DENND4C: variants seen among roughly 807,000 people sequenced by gnomAD.
DENND4C encodes DENN domain containing 4C.
A neutral mutation model predicts 203.0 loss-of-function variants in DENND4C; 108 were observed. The ratio of observed to expected loss-of-function variants is 0.53; its 90% CI spans 0.46 to 0.62. The LOEUF is 0.62. Ranked by LOEUF, DENND4C falls within the 20% of genes least tolerant of loss-of-function variation. The pLI is 0.00. For synonymous variants in DENND4C, 871 were observed against 792.4 expected (o/e 1.10, Z -1.67); for missense variants, 2,481 against 2,301.2 (o/e 1.08, Z -1.60).
intron 1 of DENND4C, among the ~76,000 whole-genome samples, chr9:19,242,875 CG>C (rs1477729214): frequency 6.6e-6 from 1 of 152,018 alleles, no homozygotes; most frequent in Non-Finnish European, 1.5e-5. Context: ...AGGCTAGTCT[CG>C]ATCTCCTGAC....
At chr9:19,247,216 G>A (rs2131553479) in intron 1 of DENND4C, among the ~76,000 whole-genome samples, 1 of 152,186 alleles carries the variant, frequency 6.6e-6, no homozygotes, top group Non-Finnish European at 1.5e-5. Context: ...CTCACCTGAA[G>A]TTTGTTGTAT....
At chr9:19,309,478 A>G (rs911214560) in intron 10 of DENND4C, among the ~76,000 whole-genome samples, 1 of 152,164 alleles carries the variant, frequency 6.6e-6, no homozygotes, top group African/African-American at 2.4e-5. Context: ...TGAATATGAT[A>G]AAAACCATTG....
chr9:19,231,865 C>G (rs930035152), intron 1 of DENND4C, among the ~76,000 whole-genome samples: 2 of 151,734 alleles, frequency 1.3e-5, no homozygotes, highest in South Asian at 2.1e-4. Flanking sequence ...TTCCTAGGCC[C>G]TAATTTACGT....
At chr9:19,255,411 A>C (rs967372414) in intron 1 of DENND4C, among the ~76,000 whole-genome samples, 1 of 46,724 alleles carries the variant, frequency 2.1e-5, no homozygotes, top group Admixed American at 3.1e-4. Context: ...CCTCCAAAAA[A>C]AAAAATTTTT....
At chr9:19,363,987 C>T (rs1309168615) in intron 30 of DENND4C, among the ~76,000 whole-genome samples, 9 of 152,124 alleles carry the variant, frequency 5.9e-5, no homozygotes, top group African/African-American at 2.2e-4. Flanking sequence ...GCACTCCAGC[C>T]TGGGCATCGC....
Position 19,268,969 on chromosome 9 carries a change from C to G in DENND4C, c.-17-7189C>G, listed in dbSNP as rs1297647239. On this transcript the variant is annotated intron_variant, in intron 1 of 32. Coordinates refer to ENST00000434457, the MANE Select transcript of DENND4C (RefSeq NM_001330640.2). ...CCTTCTTGTACTTGAATATTGATATCTTTCTCTATGTTTGGGAAGTTCTCT... is the reference window on the plus strand; with the variant it reads ...CCTTCTTGTACTTGAATATTGATATGTTTCTCTATGTTTGGGAAGTTCTCT... Among the ~76,000 whole-genome samples, 34 of 152,052 alleles carry G rather than the reference C, an allele frequency of 2.2e-4. 1 individual carries two copies. Among genetic ancestry groups the G allele is most frequent in the Admixed American group, 2.2e-3 (34 of 15,242 alleles).
At chr9:19,298,228 T>G (rs1341603517) in intron 7 of DENND4C, 106 bp downstream of exon 7, 1 of 929,266 alleles carries the variant, frequency 1.1e-6, no homozygotes, top group Admixed American at 2.4e-5. Flanking sequence ...CAATATGCAT[T>G]CATAAAGTCC....
chr9:19,342,748 A>G lies in DENND4C; in HGVS notation c.3120A>G (p.Ile1040Met). Reference sequence around the variant, plus strand: ...GTATTGTGAAAGTTCCGTCTGGTATATTTGATGTCAACAGCAGGAAAAGTA... The same window carrying G: ...GTATTGTGAAAGTTCCGTCTGGTATGTTTGATGTCAACAGCAGGAAAAGTA... Reference protein sequence around the residue: ...GSSIVKVPSGIFDVNSRKSST... With the variant: ...GSSIVKVPSGMFDVNSRKSST... Residue 1040 changes from isoleucine to methionine, a missense_variant, in exon 22 of 33, where the codon ATA becomes ATG. Ile to Met is a conservative substitution (Grantham distance 10). This residue lies in a region of DENND4C where 2,289 missense variants were observed against 2,113.3 expected (regional missense o/e 1.08). Transcript: ENST00000434457. The G allele has an allele frequency of 6.2e-7, 1 of 1,609,222 alleles. No homozygotes were observed. Among genetic ancestry groups the G allele is most frequent in the Non-Finnish European group, 8.5e-7 (1 of 1,177,990 alleles).
chr9:19,303,964 C>G (rs1366760615), intron 9 of DENND4C, among the ~76,000 whole-genome samples: 1 of 150,858 alleles, frequency 6.6e-6, no homozygotes, highest in Non-Finnish European at 1.5e-5. Flanking sequence ...CCTCCTGCCT[C>G]AGCCTCCCAA....
At position 19,369,978 on chromosome 9, in the gene DENND4C, A is replaced by G. The variant is rs1309577981; in HGVS notation, c.5666A>G (p.Lys1889Arg). 1.9e-6 allele frequency: 3 copies of G among 1,613,490 alleles called. No homozygotes were observed. The highest frequency in any genetic ancestry group is 4.5e-5 in the East Asian group (2 of 44,828). Reference protein sequence around the residue: ...LLSQQMKPGMKRQRSLYREIL... With the variant: ...LLSQQMKPGMRRQRSLYREIL... ...TCACAGCAAATGAAGCCAGGCATGA[A>G]AAGACAAAGGTAATAATCCAGTATT... The change falls in exon 31 of 33, where the codon AAA becomes AGA. Residue 1889 changes from lysine to arginine, a missense_variant. Lys to Arg is a conservative substitution (Grantham distance 26). Around this residue, in one of 3 missense-constraint regions of DENND4C, gnomAD observed 2,289 missense variants for 2,113.3 expected, o/e 1.08. Transcript: ENST00000434457.
chr9:19,345,771 T>C, intron 22 of DENND4C, 150 bp from the exon 23 acceptor site: 1 of 724,738 alleles, frequency 1.4e-6, no homozygotes, highest in East Asian at 3.1e-5. Flanking sequence ...TCCAGTGCAC[T>C]TTTTTTTATA....
chr9:19,259,697 G>A (rs762140241), intron 1 of DENND4C, among the ~76,000 whole-genome samples: 2 of 151,838 alleles, frequency 1.3e-5, no homozygotes, highest in Admixed American at 6.6e-5. Context: ...TAGAGACGGA[G>A]TTTCTCCATG....
chr9:19,365,827 A>G (rs1331663321), intron 30 of DENND4C, among the ~76,000 whole-genome samples: 4 of 152,120 alleles, frequency 2.6e-5, no homozygotes, highest in East Asian at 3.9e-4. Flanking sequence ...TTATTTATTT[A>G]TAATAGCATT....
chr9:19,343,340 T>C (rs1822092097), intron 22 of DENND4C, among the ~76,000 whole-genome samples: 1 of 152,214 alleles, frequency 6.6e-6, no homozygotes, highest in Admixed American at 6.5e-5. Context: ...TTTCATTATA[T>C]ATATAGGTCT....
At chr9:19,306,975 G>T (rs1482968096) in intron 10 of DENND4C, among the ~76,000 whole-genome samples, 1 of 151,874 alleles carries the variant, frequency 6.6e-6, no homozygotes, top group Non-Finnish European at 1.5e-5. Context: ...GTAGAGATGA[G>T]GTTTTACCAT....
chr9:19,319,377 C>CACACGTATAT (rs1563799161), intron 12 of DENND4C, among the ~76,000 whole-genome samples: 1 of 109,852 alleles, frequency 9.1e-6, no homozygotes, highest in African/African-American at 3.8e-5. Flanking sequence ...TATATATACA[C>CACACGTATAT]ATACATATAT....
chr9:19,357,660 G>GT, intron 27 of DENND4C: 1 of 252,624 alleles, frequency 4.0e-6, no homozygotes, highest in East Asian at 7.8e-5. Flanking sequence ...AGGTAATTTT[G>GT]TTTAATAAAG....
Position 19,288,622 on chromosome 9 carries a change from T to C in DENND4C, c.585T>C (p.Tyr195=), listed in dbSNP as rs1200050794. Residue 195 remains tyrosine (Y), a synonymous_variant, in exon 4 of 33, where the codon TAT becomes TAC. Transcript: ENST00000434457. ...GGGGTTCCAGCGTGTTTCTGTGTTA[T>C]AAGAAGTCTGTACCTGCTTCAAATG... ...GMWGSSVFLC[Y]KKSVPASNAI... The C allele has an allele frequency of 1.6e-6, 2 of 1,231,860 alleles. No homozygotes were observed. Among genetic ancestry groups the C allele is most frequent in the East Asian group, 3.2e-5 (1 of 31,626 alleles). 76.3% of individuals were successfully genotyped at this position (1,231,860 alleles called of 1,614,324 possible).
intron 20 of DENND4C, among the ~76,000 whole-genome samples, chr9:19,339,444 C>G (rs1427001625): frequency 6.6e-6 from 1 of 152,088 alleles, no homozygotes; most frequent in Non-Finnish European, 1.5e-5. Context: ...TGTTTCTTAA[C>G]TTAGGTTTGT....
Sources: allele counts gnomAD v4.1 joint callset (sites outside exome capture counted in the v4.1 genomes callset), GRCh38; gene constraint gnomAD v4.1.1; regional missense constraint gnomAD v4.1.1; transcripts MANE v1.5; gene names NCBI Gene and HGNC (gene_info 2026-07-23, HGNC 2026-07-21).